The following TLE4 variants were observed in gnomAD, a reference collection of about 807,000 sequenced individuals.
TLE4 encodes the protein transducin-like enhancer protein 4.
A neutral mutation model predicts 92.8 loss-of-function variants in TLE4; 8 were observed. The ratio of observed to expected loss-of-function variants is 0.09; its 90% confidence interval spans 0.05 to 0.16. TLE4 has a LOEUF of 0.16. TLE4 is among the 10% of genes least tolerant of loss of function. The pLI is 1.00. For missense variants in TLE4, 675 were observed against 997.6 expected, an observed-to-expected ratio of 0.68 and a Z score of 4.36; for synonymous variants, 371 against 374.1, an observed-to-expected ratio of 0.99 and a Z score of 0.10.
chr9:79,640,401 G>A (rs1183075727), intron 6 of TLE4, among the ~76,000 whole-genome samples: 3 of 151,952 alleles, frequency 2.0e-5, no homozygotes, highest in Admixed American at 6.6e-5. Flanking sequence ...TCTTTGGCTG[G>A]TAGGATTATG....
At chr9:79,574,834 T>G in intron 2 of TLE4, 39 bp from the exon 3 acceptor site, 1 of 1,567,900 alleles carries the variant, frequency 6.4e-7, no homozygotes, top group Non-Finnish European at 8.8e-7. Context: ...GGATGTAAGT[T>G]AAGATCATTG....
intron 4 of TLE4, among the ~76,000 whole-genome samples, chr9:79,608,692 C>T (rs947834586): frequency 3.3e-5 from 5 of 151,948 alleles, no homozygotes; most frequent in Non-Finnish European, 4.4e-5. Flanking sequence ...TTCCTAATAA[C>T]GCTTTGTTAT....
At position 79,652,759 on chromosome 9, in the gene TLE4, A is replaced by G; in HGVS notation, c.557A>G (p.Asp186Gly). Residue 186 changes from aspartate to glycine, a missense_variant, in exon 7 of 20, where the codon GAT becomes GGT. Coordinates refer to ENST00000376552, the MANE Select transcript of TLE4 (RefSeq NM_007005.6). ...GGTCAGTCCCATCTTCCAATTAAAG[A>G]TGAGAAGAAGCACCATGACAATGAT... ...LGGQSHLPIKDEKKHHDNDHQ... is the reference protein window; with the variant it reads ...LGGQSHLPIKGEKKHHDNDHQ... 6.2e-7 allele frequency: 1 copy of G among 1,614,176 alleles called. No individual in the cohort carries two copies. The highest frequency in any genetic ancestry group is 1.1e-5 in the South Asian group (1 of 91,086).
At chr9:79,716,741 A>C (rs2074568481) in intron 14 of TLE4, among the ~76,000 whole-genome samples, 1 of 152,190 alleles carries the variant, frequency 6.6e-6, no homozygotes, top group South Asian at 2.1e-4. Context: ...TCACTCTGTT[A>C]AATTCCTAGA....
chr9:79,672,583 T>C (rs1190490417), intron 8 of TLE4, among the ~76,000 whole-genome samples: 1 of 152,126 alleles, frequency 6.6e-6, no homozygotes, highest in Non-Finnish European at 1.5e-5. Context: ...CGCCAGACCT[T>C]TGTTTTTAGA....
intron 1 of TLE4, chr9:79,573,484 T>C: frequency 1.0e-6 from 1 of 953,182 alleles, no homozygotes. Context: ...CGGGCGGGAG[T>C]ATGCGGGGCC....
intron 17 of TLE4, among the ~76,000 whole-genome samples, 192 bp from the exon 18 acceptor site, chr9:79,722,259 G>A (rs1368265957): frequency 6.6e-6 from 1 of 152,184 alleles, no homozygotes; most frequent in Non-Finnish European, 1.5e-5. Flanking sequence ...TGTCACTTTT[G>A]ACTCTGGATT....
At chr9:79,594,772 G>A (rs1460788930) in intron 4 of TLE4, among the ~76,000 whole-genome samples, 6 of 152,006 alleles carry the variant, frequency 3.9e-5, no homozygotes, top group Non-Finnish European at 7.4e-5. Context: ...TGGGGTAAAT[G>A]GGCAAAAAGA....
chr9:79,600,988 C>T (rs1008970027), intron 4 of TLE4, among the ~76,000 whole-genome samples: 5 of 152,170 alleles, frequency 3.3e-5, no homozygotes, highest in Non-Finnish European at 5.9e-5. Flanking sequence ...ACGCTGTATA[C>T]AAGGTGCTCT....
chr9:79,716,569 A>G (rs551118983), intron 14 of TLE4, among the ~76,000 whole-genome samples: 10 of 152,314 alleles, frequency 6.6e-5, no homozygotes, highest in African/African-American at 2.4e-4. Flanking sequence ...GGTAACTGGA[A>G]CATACGAGGC....
intron 8 of TLE4, among the ~76,000 whole-genome samples, chr9:79,658,382 C>T (rs1758093403): frequency 6.6e-6 from 1 of 151,892 alleles, no homozygotes; most frequent in African/African-American, 2.4e-5. Context: ...TTTTCCTGTG[C>T]AAATTCCTTG....
chr9:79,579,482 A>C (rs1451674776), intron 4 of TLE4, among the ~76,000 whole-genome samples: 1 of 152,222 alleles, frequency 6.6e-6, no homozygotes, highest in African/African-American at 2.4e-5. Context: ...CCATCTTTTG[A>C]AAAGGGGAGC....
In TLE4 at chr9:79,657,587, T is replaced by C. The variant is rs192352496; in HGVS notation, c.609+3512T>C. Reference sequence around the variant, plus strand: ...ATTAAGAGGAGTCAGCTGCCCAGACTGAACCAGTGCTATTAGGTTCCTCAT... The same window carrying C: ...ATTAAGAGGAGTCAGCTGCCCAGACCGAACCAGTGCTATTAGGTTCCTCAT... On this transcript the variant is annotated intron_variant, in intron 8 of 19. Coordinates refer to ENST00000376552, the MANE Select transcript of TLE4 (RefSeq NM_007005.6). Among the ~76,000 whole-genome samples the C allele has an allele frequency of 2.6e-5, 4 of 152,242 alleles. No individual in the cohort carries two copies. The East Asian group carries it at 7.7e-4, about 29-fold the overall frequency.
intron 4 of TLE4, among the ~76,000 whole-genome samples, chr9:79,606,946 C>T (rs1017419339): frequency 1.2e-4 from 19 of 152,188 alleles, no homozygotes; most frequent in African/African-American, 3.4e-4. Flanking sequence ...CTTGAGGACT[C>T]GCCACACTGT....
chr9:79,635,359 A>G (rs1438000259), intron 6 of TLE4, among the ~76,000 whole-genome samples: 2 of 148,318 alleles, frequency 1.3e-5, no homozygotes, highest in Admixed American at 6.7e-5. Context: ...TTTTTTGTGT[A>G]TTTTGTAATT....
chr9:79,601,528 C>A, intron 4 of TLE4: 8 of 451,320 alleles, frequency 1.8e-5, no homozygotes, highest in Non-Finnish European at 2.2e-5. Context: ...CACAATGTTT[C>A]AAACTTTCTT....
intron 4 of TLE4, among the ~76,000 whole-genome samples, chr9:79,603,722 G>A (rs1163420293): frequency 1.3e-5 from 2 of 152,048 alleles, no homozygotes; most frequent in East Asian, 3.9e-4. Flanking sequence ...CCAAACAATT[G>A]TAGCGTGCCT....
chr9:79,588,057 G>T (rs1021639153), intron 4 of TLE4, among the ~76,000 whole-genome samples: 9 of 152,068 alleles, frequency 5.9e-5, no homozygotes, highest in African/African-American at 2.2e-4. Flanking sequence ...TCTGGCTTGA[G>T]AACCTACATT....
At chr9:79,681,530 C>A (rs1166120430) in intron 8 of TLE4, among the ~76,000 whole-genome samples, 1 of 152,006 alleles carries the variant, frequency 6.6e-6, no homozygotes, top group African/African-American at 2.4e-5. Context: ...CTCTAGCTTT[C>A]ATGTTACTGG....
Sources: gnomAD v4.1 joint callset for allele counts (sites outside exome capture counted in the v4.1 genomes callset) on GRCh38, gnomAD v4.1.1 for gene constraint, MANE v1.5 for transcripts, NCBI Gene and HGNC (gene_info 2026-07-23, HGNC 2026-07-21) for gene names.